Variants in USP8 observed in about 807,000 individuals in gnomAD.
The protein encoded by USP8 is ubiquitin specific peptidase 8.
USP8 carries 27 observed loss-of-function variants against 130.0 expected under a neutral mutation model. The observed-to-expected ratio is 0.21, with a 90% CI of 0.15 to 0.29. The LOEUF is 0.29. Ranked by LOEUF, USP8 falls within the 10% of genes least tolerant of loss-of-function variation. The probability of loss-of-function intolerance (pLI) is 1.00; values close to 1 mark genes in which losing one functional copy is unlikely to be tolerated. For synonymous variants in USP8, 392 were observed against 444.1 expected (o/e 0.88, Z 1.48); for missense variants, 1,029 against 1,312.2 (o/e 0.78, Z 3.33).
intron 1 of USP8, among the ~76,000 whole-genome samples, chr15:50,432,654 C>T (rs11070774): frequency 0.14 from 21,949 of 152,146 alleles, 2,031 homozygotes; most frequent in Middle Eastern, 0.28. Flanking sequence ...AAAATTGTCA[C>T]CTGTATTAAG....
chr15:50,441,273 T>C (rs529528593), intron 2 of USP8, 76 bp from the exon 3 acceptor site: 22 of 1,366,226 alleles, frequency 1.6e-5, no homozygotes, highest in Admixed American at 3.0e-5. Flanking sequence ...AAAGATTATC[T>C]GTGGACTTTG....
chr15:50,458,898 G>C, intron 4 of USP8, 102 bp from the exon 5 acceptor site: 1 of 1,419,676 alleles, frequency 7.0e-7, no homozygotes, highest in Non-Finnish European at 9.7e-7. Context: ...ATATAGCCAT[G>C]AAATACCTCA....
At position 50,471,773 on chromosome 15, in the gene USP8, G is replaced by A; in HGVS notation, c.827G>A (p.Ser276Asn). The A allele has an allele frequency of 6.2e-7, 1 of 1,613,900 alleles. No individual in the cohort carries two copies. Among genetic ancestry groups the A allele is most frequent in the Non-Finnish European group, 8.5e-7 (1 of 1,179,984 alleles). ...KDLQIGTTLR[S>N]LKDALFKWES... ...TTACAGATTGGAACAACTCTCCGGA[G>A]TCTGAAAGATGCACTTTTCAAGGTT... Residue 276 changes from serine to asparagine, a missense_variant, in exon 8 of 20, where the codon AGT (serine) becomes AAT (asparagine). This residue lies in a region of USP8 where 281 missense variants were observed against 336.7 expected (regional missense o/e 0.83). Coordinates refer to ENST00000307179, the MANE Select transcript of USP8 (RefSeq NM_005154.5).
intron 11 of USP8, among the ~76,000 whole-genome samples, chr15:50,483,868 G>A (rs2051859704): frequency 6.6e-6 from 1 of 151,784 alleles, no homozygotes; most frequent in South Asian, 2.1e-4. Context: ...CTATTGGTCT[G>A]TATCTTAATT....
At chr15:50,463,162 T>C (rs999969934) in intron 6 of USP8, among the ~76,000 whole-genome samples, 2 of 152,064 alleles carry the variant, frequency 1.3e-5, no homozygotes, top group Non-Finnish European at 2.9e-5. Flanking sequence ...GGTGGGAGAA[T>C]TGTTCGAGCC....
chr15:50,460,498 G>A (rs2050954989), intron 5 of USP8, among the ~76,000 whole-genome samples: 1 of 151,626 alleles, frequency 6.6e-6, no homozygotes, highest in Admixed American at 6.6e-5. Flanking sequence ...TAGTAGAGAT[G>A]GGGTTTCACC....
At position 50,490,295 on chromosome 15, in the gene USP8, T is replaced by C; in HGVS notation, c.2004T>C (p.Tyr668=). The change falls in exon 14 of 20, where the codon TAT becomes TAC. Residue 668 remains tyrosine (Y), a synonymous_variant. Coordinates refer to ENST00000307179, the MANE Select transcript of USP8 (RefSeq NM_005154.5). ...FLDPITGTFR[Y]YHSPTNTVHM... ...ACCCAATCACTGGAACCTTTCGTTA[T>C]TATCATTCACCCACCAACACTGTTC... is the stretch of plus-strand genomic sequence containing the variant. 6 of 1,613,926 alleles carry C rather than the reference T, an allele frequency of 3.7e-6. No homozygotes were observed. The highest frequency in any genetic ancestry group is 5.1e-6 in the Non-Finnish European group (6 of 1,179,964).
At chr15:50,424,618 G>A in intron 1 of USP8, 104 bp downstream of exon 1, 2 of 397,310 alleles carry the variant, frequency 5.0e-6, no homozygotes, top group Non-Finnish European at 8.9e-6. Flanking sequence ...CCGGAGACAA[G>A]CTCTGTCCGC....
chr15:50,460,059 G>A (rs1397454096), intron 5 of USP8, among the ~76,000 whole-genome samples: 6 of 133,080 alleles, frequency 4.5e-5, no homozygotes, highest in African/African-American at 1.4e-4. Flanking sequence ...ATGCAATGGC[G>A]TGATCTCGGC....
At chr15:50,461,456 C>CAAAAAAAA in intron 5 of USP8, among the ~76,000 whole-genome samples, 1 of 108,688 alleles carries the variant, frequency 9.2e-6, no homozygotes, top group Non-Finnish European at 1.8e-5. Context: ...ACCCTATCTC[C>CAAAAAAAA]AAAAAAAAAA....
At chr15:50,435,801 G>A (rs1035645350) in intron 1 of USP8, among the ~76,000 whole-genome samples, 1 of 152,136 alleles carries the variant, frequency 6.6e-6, no homozygotes, top group Non-Finnish European at 1.5e-5. Context: ...ATCAAATGGG[G>A]ACAGAAAAGG....
chr15:50,482,876 A>G (rs2051825654), intron 11 of USP8, among the ~76,000 whole-genome samples: 2 of 152,220 alleles, frequency 1.3e-5, no homozygotes, highest in African/African-American at 4.8e-5. Flanking sequence ...CTTCTCAAAC[A>G]CAATTCAGGC....
intron 3 of USP8, among the ~76,000 whole-genome samples, chr15:50,443,589 T>G (rs1177722821): frequency 2.0e-5 from 3 of 151,942 alleles, no homozygotes; most frequent in Non-Finnish European, 4.4e-5. Context: ...GTTCAAGCGG[T>G]TCTCCTGCCT....
intron 7 of USP8, among the ~76,000 whole-genome samples, chr15:50,467,838 T>G (rs895142587): frequency 1.3e-5 from 2 of 152,172 alleles, no homozygotes; most frequent in African/African-American, 4.8e-5. Flanking sequence ...ATTATAGATG[T>G]GAGCCATTGC....
At chr15:50,484,795 ATAT>A (rs776939524) in intron 12 of USP8, among the ~76,000 whole-genome samples, 1 of 152,220 alleles carries the variant, frequency 6.6e-6, no homozygotes, top group Non-Finnish European at 1.5e-5. Flanking sequence ...ATGTAATGGA[ATAT>A]TATTCAGCCT....
chr15:50,498,878 T>A, intron 19 of USP8, 25 bp from the exon 20 acceptor site: 1 of 1,567,884 alleles, frequency 6.4e-7, no homozygotes, highest in Non-Finnish European at 8.6e-7. Flanking sequence ...TGAATTGATT[T>A]TTTTTTCTAT....
intron 18 of USP8, chr15:50,497,826 T>G (rs2052476362): frequency 1.3e-5 from 2 of 152,154 alleles, no homozygotes; most frequent in Admixed American, 6.5e-5. Flanking sequence ...GAAAAACTTT[T>G]TAAAGGAAGT....
chr15:50,461,252 A>G (rs1022381130), intron 5 of USP8, among the ~76,000 whole-genome samples: 2 of 152,054 alleles, frequency 1.3e-5, no homozygotes, highest in African/African-American at 4.8e-5. Context: ...TTGGCCTCCC[A>G]CAGTGCTGGG....
chr15:50,493,254 T>G, intron 15 of USP8: 1 of 513,704 alleles, frequency 1.9e-6, no homozygotes, highest in Non-Finnish European at 3.8e-6. Flanking sequence ...CTCTTAATCC[T>G]GTCACATTGG....
Sources: gnomAD v4.1 joint callset for allele counts (sites outside exome capture counted in the v4.1 genomes callset) on GRCh38, gnomAD v4.1.1 for gene constraint, gnomAD v4.1.1 regional missense constraint, MANE v1.5 for transcripts, NCBI Gene and HGNC (gene_info 2026-07-23, HGNC 2026-07-21) for gene names.